The following CARS2 variants were observed in gnomAD, a reference collection of about 807,000 sequenced individuals.
CARS2 encodes cysteinyl-tRNA synthetase 2, mitochondrial, also known as probable cysteine--tRNA ligase, mitochondrial.
In CARS2, 52 loss-of-function variants were observed where a neutral mutation model predicts 68.8. That is an observed-to-expected ratio of 0.76 (90% confidence interval 0.61 to 0.95). The LOEUF (loss-of-function observed/expected upper bound fraction) is 0.95, where lower values mean the gene tolerates loss of function less well. Among genes scored for constraint, CARS2 ranks in the 40% least tolerant of loss-of-function variants. CARS2 has a pLI of 0.00. For missense variants in CARS2, 780 were observed against 754.2 expected (o/e 1.03, Z -0.40); for synonymous variants, 314 against 303.6 (o/e 1.03, Z -0.36).
At position 110,650,853 on chromosome 13, in the gene CARS2, A is replaced by G. The variant is rs453757; in HGVS notation, c.1054+181T>C. The G allele has an allele frequency of 0.39, 211,825 of 548,392 alleles. 43,435 individuals carry two copies. The highest frequency in any genetic ancestry group is 0.61 in the African/African-American group (30,917 of 50,982). 34.0% of individuals were successfully genotyped at this position (548,392 alleles called of 1,614,324 possible). On this transcript the variant is annotated intron_variant, in intron 10 of 14. Transcript: ENST00000257347. ...CCCACATCCACTGTGGGCCGGGCCC[A>G]GACCAGCACTGGGATCCCTCGTCCT...
intron 3 of CARS2, among the ~76,000 whole-genome samples, chr13:110,697,520 G>A (rs111968449): frequency 4.3e-4 from 66 of 152,336 alleles, no homozygotes; most frequent in African/African-American, 1.3e-3. Flanking sequence ...TCAGCTCACT[G>A]CAACCTCCAC....
chr13:110,664,909 A>G, intron 8 of CARS2: 1 of 766,234 alleles, frequency 1.3e-6, no homozygotes, highest in Non-Finnish European at 1.6e-6. Context: ...CAGGACTCCC[A>G]GCCAGCAGAA....
At chr13:110,699,018 A>C (rs919588630) in intron 3 of CARS2, among the ~76,000 whole-genome samples, 10 of 52,828 alleles carry the variant, frequency 1.9e-4, no homozygotes, top group Non-Finnish European at 3.6e-4. Flanking sequence ...TCTCCAAAAA[A>C]AAAGAAAAAA....
At position 110,653,405 on chromosome 13, in the gene CARS2, T is replaced by C. The variant is rs1235424297; in HGVS notation, c.988-2305A>G. On this transcript the variant is annotated intron_variant, in intron 9 of 14. Transcript: ENST00000257347. This position sits in a 1 kb window ranked among gnomAD's most constrained non-coding sequence, Gnocchi z 5.6. ...TGACACCCTCCCTCACCCGAGGTGC[T>C]GTGGTTCCAATTAACGCACACAGCC... Among the ~76,000 whole-genome samples, 1 of 152,218 alleles carries C rather than the reference T, an allele frequency of 6.6e-6. No individual in the cohort carries two copies. Among genetic ancestry groups the C allele is most frequent in the East Asian group, 1.9e-4 (1 of 5,188 alleles).
intron 6 of CARS2, chr13:110,677,794 T>G (rs1594335658): frequency 6.6e-6 from 1 of 150,544 alleles, no homozygotes; most frequent in Non-Finnish European, 1.5e-5. Context: ...ACGCAGACAG[T>G]CACCCCTACC....
intron 6 of CARS2, among the ~76,000 whole-genome samples, chr13:110,679,163 C>T (rs906104058): frequency 2.0e-5 from 3 of 152,132 alleles, no homozygotes; most frequent in African/African-American, 4.8e-5. Flanking sequence ...CAATGACAGA[C>T]GGCAATGACA....
chr13:110,708,402 G>A (rs964300512), upstream of CARS2, among the ~76,000 whole-genome samples: 2 of 152,218 alleles, frequency 1.3e-5, no homozygotes, highest in Non-Finnish European at 2.9e-5. Flanking sequence ...CAGAGATTCT[G>A]AAAGCAGCTT....
At chr13:110,675,793 T>A (rs900306373) in intron 7 of CARS2, among the ~76,000 whole-genome samples, 11 of 151,828 alleles carry the variant, frequency 7.2e-5, no homozygotes, top group Non-Finnish European at 7.4e-5. Context: ...CTAGGAACAG[T>A]CTAAACGCGC....
At chr13:110,709,785 CCTGA>C (rs755187372), upstream of CARS2, among the ~76,000 whole-genome samples, 52 of 151,812 alleles carry the variant, frequency 3.4e-4, no homozygotes, top group African/African-American at 5.1e-4. Flanking sequence ...TCTAGAGAAC[CCTGA>C]CTAATACACC....
Position 110,706,066 on chromosome 13 carries a change from G to C in CARS2, c.28C>G (p.Leu10Val). 1.5e-6 allele frequency: 2 copies of C among 1,345,422 alleles called. No homozygotes were observed. The highest frequency in any genetic ancestry group is 1.9e-6 in the Non-Finnish European group (2 of 1,048,438). 83.3% of individuals were successfully genotyped at this position (1,345,422 alleles called of 1,614,324 possible). A position where few individuals can be genotyped will look rare whatever the true frequency, so the allele number is the denominator to read the frequency against. MLRTTRGPGLGPPLLQAALG... is the reference protein window; with the variant it reads MLRTTRGPGVGPPLLQAALG... ...GCGGCCTGGAGCAGCGGGGGGCCCAGGCCTGGGCCGCGCGTAGTCCTCAAC... is the reference window on the plus strand; with the variant it reads ...GCGGCCTGGAGCAGCGGGGGGCCCACGCCTGGGCCGCGCGTAGTCCTCAAC... Residue 10 changes from leucine (L) to valine (V), a missense_variant, in exon 1 of 15, where the codon CTG (leucine) becomes GTG (valine). Physicochemically the swap from Leu to Val is conservative, Grantham distance 32. Coordinates refer to ENST00000257347, the MANE Select transcript of CARS2 (RefSeq NM_024537.4).
chr13:110,661,194 A>G (rs1479659460), intron 9 of CARS2, among the ~76,000 whole-genome samples: 1 of 152,170 alleles, frequency 6.6e-6, no homozygotes, highest in Non-Finnish European at 1.5e-5. Context: ...CCAGCCATTG[A>G]CTTCTTTCTA....
intron 11 of CARS2, chr13:110,646,702 A>AG: frequency 5.5e-6 from 1 of 182,788 alleles, no homozygotes; most frequent in Non-Finnish European, 1.1e-5. Context: ...CTCCTCGCAC[A>AG]GGGAACCCGA....
At chr13:110,706,702 T>C (rs910487784), upstream of CARS2, among the ~76,000 whole-genome samples, 4 of 150,442 alleles carry the variant, frequency 2.7e-5, no homozygotes, top group Non-Finnish European at 5.9e-5. Flanking sequence ...CGATACACAA[T>C]GTGCAACCCA....
At chr13:110,707,827 T>A (rs753567784), upstream of CARS2, among the ~76,000 whole-genome samples, 8 of 152,248 alleles carry the variant, frequency 5.3e-5, no homozygotes, top group South Asian at 2.1e-4. Flanking sequence ...CAAACAAGTG[T>A]GTACCTAGAG....
At chr13:110,683,476 T>C (rs1027900275) in intron 5 of CARS2, among the ~76,000 whole-genome samples, 1 of 152,228 alleles carries the variant, frequency 6.6e-6, no homozygotes, top group African/African-American at 2.4e-5. Flanking sequence ...ATGCATGATT[T>C]GGACATATCA....
In CARS2 at chr13:110,683,119, T is replaced by G; in HGVS notation, c.587A>C (p.Asp196Ala). 1.3e-6 allele frequency: 2 copies of G among 1,599,290 alleles called. No individual in the cohort carries two copies. Among genetic ancestry groups the G allele is most frequent in the Non-Finnish European group, 1.7e-6 (2 of 1,174,638 alleles). ...YSTAKGNVYF[D>A]LKSRGDKYGK... The stretch of plus-strand genomic sequence containing the variant: ...ATACTTGTCTCCTCTAGACTTCAGA[T>G]CGAAGTAGACATTGCCTGTTTATAA... Residue 196 changes from aspartate to alanine, a missense_variant, in exon 6 of 15, where the codon GAT becomes GCT. Asp to Ala is a moderately radical substitution (Grantham distance 126). Transcript: ENST00000257347.
chr13:110,695,221 T>C (rs780331422), intron 3 of CARS2, among the ~76,000 whole-genome samples: 1 of 152,038 alleles, frequency 6.6e-6, no homozygotes, highest in Non-Finnish European at 1.5e-5. Flanking sequence ...GGTGAGGCTG[T>C]AGTGAGCCGT....
chr13:110,713,488 C>T, exon 1 of CARS2: 5 of 987,764 alleles, frequency 5.1e-6, no homozygotes, highest in Non-Finnish European at 6.0e-6. Flanking sequence ...GGCCCTGACG[C>T]TGTCCCCTCC....
At position 110,706,063 on chromosome 13, in the gene CARS2, C is replaced by G; in HGVS notation, c.31G>C (p.Gly11Arg). The G allele has an allele frequency of 7.4e-7, 1 of 1,356,844 alleles. No homozygotes were observed. The highest frequency in any genetic ancestry group is 9.5e-7 in the Non-Finnish European group (1 of 1,055,766). The allele number at this position is 1,356,844 out of a possible 1,614,324, so 84.1% of individuals were successfully genotyped here. ...AGCGCGGCCTGGAGCAGCGGGGGGC[C>G]CAGGCCTGGGCCGCGCGTAGTCCTC... MLRTTRGPGL[G>R]PPLLQAALGL... Residue 11 changes from glycine to arginine, a missense_variant, in exon 1 of 15, where the codon GGC becomes CGC. Gly to Arg is a moderately radical substitution (Grantham distance 125). Transcript: ENST00000257347.
Sources: allele counts gnomAD v4.1 joint callset (sites outside exome capture counted in the v4.1 genomes callset), GRCh38; gene constraint gnomAD v4.1.1; non-coding constraint Gnocchi (gnomAD v3.1); transcripts MANE v1.5; gene names NCBI Gene and HGNC (gene_info 2026-07-23, HGNC 2026-07-21).